ABR: variants seen among roughly 807,000 people sequenced by gnomAD.
ABR encodes ABR activator of RhoGEF and GTPase, also known as active breakpoint cluster region-related protein.
A neutral mutation model predicts 107.2 loss-of-function variants in ABR; 35 were observed. That is an observed-to-expected ratio of 0.33 (90% CI 0.25 to 0.43). The LOEUF is 0.43. ABR is among the 20% of genes least tolerant of loss of function. The probability of loss-of-function intolerance (pLI) is 1.00; values close to 1 mark genes in which losing one functional copy is unlikely to be tolerated. For synonymous variants in ABR, 498 were observed against 462.0 expected (o/e 1.08, Z -1.00); for missense variants, 815 against 1,115.2 (o/e 0.73, Z 3.83).
chr17:1,224,946 G>A (rs749462046), intron 1 of ABR, among the ~76,000 whole-genome samples: 1 of 151,708 alleles, frequency 6.6e-6, no homozygotes, highest in African/African-American at 2.4e-5. Flanking sequence ...TCAGGAGATC[G>A]AGATCATCCT....
Position 1,151,697 on chromosome 17 carries a change from T to C in ABR, c.62-26330A>G, listed in dbSNP as rs957827605. Among the ~76,000 whole-genome samples the C allele has an allele frequency of 5.3e-5, 8 of 152,280 alleles. No homozygotes were observed. In the East Asian group the frequency reaches 7.7e-4, roughly 15 times the overall value. On this transcript the variant is annotated intron_variant, in intron 1 of 22. Transcript: ENST00000302538. Reference sequence around the variant, plus strand: ...TGGACAGGAAGCCCAAGGATTTAGGTTGAACCCTTTTTGGGCAGGTCACTT... The same window carrying C: ...TGGACAGGAAGCCCAAGGATTTAGGCTGAACCCTTTTTGGGCAGGTCACTT...
intron 6 of ABR, among the ~76,000 whole-genome samples, chr17:1,075,703 T>A (rs946850784): frequency 3.3e-5 from 5 of 152,256 alleles, no homozygotes; most frequent in Non-Finnish European, 7.3e-5. Context: ...TGAAAACCAC[T>A]GCTTTATGTT....
At chr17:1,174,245 C>G (rs2041846871) in intron 1 of ABR, among the ~76,000 whole-genome samples, 1 of 152,216 alleles carries the variant, frequency 6.6e-6, no homozygotes, top group East Asian at 1.9e-4. Context: ...CTTCTGCCAG[C>G]CCCACCTCTG....
At chr17:1,085,833 C>T (rs908572978) in intron 4 of ABR, among the ~76,000 whole-genome samples, 2 of 152,166 alleles carry the variant, frequency 1.3e-5, no homozygotes, top group African/African-American at 4.8e-5. Flanking sequence ...TTTCACCTGC[C>T]TATTTTTACT....
At chr17:1,143,582 G>A (rs62069401) in intron 1 of ABR, among the ~76,000 whole-genome samples, 48,416 of 145,848 alleles carry the variant, frequency 0.33, 8,591 homozygotes, top group Non-Finnish European at 0.34. Context: ...TGTTTGCTCC[G>A]GCTCTGCCTC....
Position 1,067,218 on chromosome 17 carries a change from C to G in ABR, c.1041G>C (p.Lys347Asn). The G allele has an allele frequency of 2.5e-6, 4 of 1,605,790 alleles. No homozygotes were observed. The highest frequency in any genetic ancestry group is 2.6e-6 in the Non-Finnish European group (3 of 1,176,108). ...SAGKHQQYDC[K>N]WYIPLADLVF... ...CCAGGTCGGCCAGGGGGATGTACCA[C>G]TTACAGTCATACTGCTGGTGCTTCC... The change falls in exon 10 of 23, where the codon AAG (lysine) becomes AAC (asparagine). Residue 347 changes from lysine to asparagine, a missense_variant. Coordinates refer to ENST00000302538, the MANE Select transcript of ABR (RefSeq NM_021962.5).
chr17:1,050,095 G>A lies in ABR; in HGVS notation c.1746C>T (p.Asp582=). The change falls in exon 16 of 23, where the codon GAC becomes GAT. Residue 582 remains aspartate (D), a synonymous_variant. Transcript: ENST00000302538. The surrounding 1 kb of genome is among the most constrained non-coding windows in gnomAD (Gnocchi z 4.6). ...KCYDKTKVNK[D]NNEIVDKIMG... is the part of the protein sequence containing the mutation. ...TGATCTTGTCCACGATCTCATTGTT[G>A]TCCTTGTTGACCTTGGTCTTGTCAT... 2.5e-6 allele frequency: 4 copies of A among 1,614,140 alleles called. No homozygotes were observed. The highest frequency in any genetic ancestry group is 3.4e-6 in the Non-Finnish European group (4 of 1,180,018).
intron 13 of ABR, among the ~76,000 whole-genome samples, chr17:1,056,721 C>G (rs556212316): frequency 4.6e-5 from 7 of 152,232 alleles, no homozygotes; most frequent in African/African-American, 1.7e-4. Flanking sequence ...ACCGGGTCTG[C>G]TCTCTCATGA....
At chr17:1,126,945 G>A (rs976165266) in intron 1 of ABR, among the ~76,000 whole-genome samples, 8 of 152,184 alleles carry the variant, frequency 5.3e-5, no homozygotes, top group Non-Finnish European at 1.0e-4. Flanking sequence ...AGCCAGCCAA[G>A]TTCTCCACGG....
chr17:1,066,979 T>TC, intron 10 of ABR, 98 bp downstream of exon 10: 1 of 1,309,026 alleles, frequency 7.6e-7, no homozygotes, highest in South Asian at 1.3e-5. Context: ...CACTCAAGGC[T>TC]CCCTCTCAAA....
chr17:1,083,585 T>C lies in ABR; in HGVS notation c.574A>G (p.Lys192Glu). ...TTCTCAGCTGTCTCCAGAGCGACTT[T>C]ATAGTTATCGACAAACGCTTTGTAC... ...GVYKAFVDNY[K>E]VALETAEKCS... The change falls in exon 5 of 23, where the codon AAA (lysine) becomes GAA (glutamate). Residue 192 changes from lysine to glutamate, a missense_variant. Transcript: ENST00000302538. 1 of 1,613,952 alleles carries C rather than the reference T, an allele frequency of 6.2e-7. No individual in the cohort carries two copies. The highest frequency in any genetic ancestry group is 8.5e-7 in the Non-Finnish European group (1 of 1,179,952).
chr17:1,194,677 G>A lies in ABR; in HGVS notation c.838+34116C>T, dbSNP rs1259574704. ...CAGCTAATTTTTTTTTTTTTAAGATGGAGTCTCGCTCTGTTGCCCAGGCTG... is the reference window on the plus strand; with the variant it reads ...CAGCTAATTTTTTTTTTTTTAAGATAGAGTCTCGCTCTGTTGCCCAGGCTG... On this transcript the variant is annotated intron_variant, in intron 1 of 22. Transcript: ENST00000574139. 2.5e-5 allele frequency among the ~76,000 whole-genome samples: 3 copies of A among 118,428 alleles called. 1 individual carries two copies. The highest frequency in any genetic ancestry group is 8.8e-3 in the Middle Eastern group (2 of 226). The allele number at this position is 118,428 out of a possible 152,430, so 77.7% of individuals were successfully genotyped here. A position where few individuals can be genotyped will look rare whatever the true frequency, so the allele number is the denominator to read the frequency against.
intron 16 of ABR, among the ~76,000 whole-genome samples, chr17:1,019,105 G>C (rs1299367085): frequency 2.0e-5 from 3 of 152,088 alleles, no homozygotes; most frequent in Non-Finnish European, 4.4e-5. Context: ...CCTGGTGCTG[G>C]GAGGCCACCC....
intron 5 of ABR, among the ~76,000 whole-genome samples, chr17:1,082,620 T>TA (rs1304311203): frequency 6.6e-6 from 1 of 152,200 alleles, no homozygotes; most frequent in Non-Finnish European, 1.5e-5. Context: ...TTTTTGTGTT[T>TA]ATGGGATGGC....
chr17:1,178,392 A>G (rs1220853345), intron 1 of ABR, among the ~76,000 whole-genome samples: 2 of 151,996 alleles, frequency 1.3e-5, no homozygotes, highest in South Asian at 2.1e-4. Flanking sequence ...GTGAAACCCC[A>G]TCTCTACTAA....
chr17:1,139,797 C>G (rs1268953108), intron 1 of ABR, among the ~76,000 whole-genome samples: 1 of 152,146 alleles, frequency 6.6e-6, no homozygotes, highest in Non-Finnish European at 1.5e-5. Flanking sequence ...AGGACTCATA[C>G]AAATACCAAA....
At chr17:1,080,740 T>TG (rs1344865861) in intron 5 of ABR, among the ~76,000 whole-genome samples, 1 of 105,932 alleles carries the variant, frequency 9.4e-6, no homozygotes, top group Non-Finnish European at 1.8e-5. Flanking sequence ...AGATGGAGCT[T>TG]GGGTGTGTGT....
rs1369346504 is a variant in ABR, at chr17:1,193,267, A to AC, written c.838+35525dup. ...CCTTATAGAGAAGCCTTTCTGGGAC[A>AC]CCCCCTCCCCCTCAATACCCACAAG... On this transcript the variant is annotated intron_variant, in intron 1 of 22. Transcript: ENST00000574139. Among the ~76,000 whole-genome samples, 826 of 135,722 alleles carry AC rather than the reference A, an allele frequency of 6.1e-3. 14 individuals are homozygous for AC. Among genetic ancestry groups the AC allele is most frequent in the Middle Eastern group, 0.017 (4 of 238 alleles). 89.0% of individuals were successfully genotyped at this position (135,722 alleles called of 152,430 possible).
chr17:1,190,453 G>A (rs1037873701), upstream of ABR, among the ~76,000 whole-genome samples: 1 of 152,218 alleles, frequency 6.6e-6, no homozygotes, highest in Non-Finnish European at 1.5e-5. Flanking sequence ...GGCCAACAAG[G>A]TGAAACCCCG....
Sources: allele counts gnomAD v4.1 joint callset (sites outside exome capture counted in the v4.1 genomes callset), GRCh38; gene constraint gnomAD v4.1.1; non-coding constraint Gnocchi (gnomAD v3.1); transcripts MANE v1.5; gene names NCBI Gene and HGNC (gene_info 2026-07-23, HGNC 2026-07-21).